YEATS2: variants seen among roughly 807,000 people sequenced by gnomAD.
YEATS2 encodes YEATS domain-containing protein 2.
Under a neutral mutation model 163.2 loss-of-function variants are expected in YEATS2, and 77 were observed. The observed-to-expected ratio is 0.47, with a 90% CI of 0.39 to 0.57. The LOEUF (loss-of-function observed/expected upper bound fraction) is 0.57, where lower values mean the gene tolerates loss of function less well. Among genes scored for constraint, YEATS2 ranks in the 20% least tolerant of loss-of-function variants. The pLI, the probability that YEATS2 is intolerant of heterozygous loss-of-function variation, is 0.00. For missense variants in YEATS2, 1,549 were observed against 1,729.8 expected, an observed-to-expected ratio of 0.90 and a Z score of 1.85; for synonymous variants, 631 against 645.1, an observed-to-expected ratio of 0.98 and a Z score of 0.33.
chr3:183,799,674 G>T (rs1388887372), intron 23 of YEATS2, among the ~76,000 whole-genome samples: 1 of 152,090 alleles, frequency 6.6e-6, no homozygotes, highest in Non-Finnish European at 1.5e-5. Context: ...CCAAGCATAG[G>T]GGATCTGATT....
At chr3:183,723,532 C>G (rs1256936547) in intron 5 of YEATS2, among the ~76,000 whole-genome samples, 1 of 152,168 alleles carries the variant, frequency 6.6e-6, no homozygotes, top group Non-Finnish European at 1.5e-5. Flanking sequence ...CCCCCAAAAT[C>G]AGAACTCTTC....
At position 183,772,495 on chromosome 3, in the gene YEATS2, C is replaced by T. The variant is rs1173480429; in HGVS notation, c.2138C>T (p.Pro713Leu). 9.9e-6 allele frequency: 16 copies of T among 1,614,164 alleles called. No individual in the cohort carries two copies. Among genetic ancestry groups the T allele is most frequent in the Non-Finnish European group, 1.4e-5 (16 of 1,180,046 alleles). The part of the protein sequence containing the change: ...SGGGGTIVAQ[P>L]VQTLTKAQVT... ...GGTGGAGGAACCATTGTTGCTCAGC[C>T]AGTGCAGACCTTAACCAAGGCCCAG... is the stretch of plus-strand genomic sequence containing the variant. Residue 713 changes from proline (P) to leucine (L), a missense_variant, in exon 16 of 31, where the codon CCA becomes CTA. Coordinates refer to ENST00000305135, the MANE Select transcript of YEATS2 (RefSeq NM_018023.5).
chr3:183,772,886 C>G (rs773995941), intron 16 of YEATS2, among the ~76,000 whole-genome samples: 11 of 152,032 alleles, frequency 7.2e-5, no homozygotes, highest in Non-Finnish European at 1.2e-4. Context: ...ATCCACAGTC[C>G]CCTGTGTAAA....
At chr3:183,727,754 G>A (rs1280096593) in intron 6 of YEATS2, among the ~76,000 whole-genome samples, 1 of 152,158 alleles carries the variant, frequency 6.6e-6, no homozygotes, top group African/African-American at 2.4e-5. Flanking sequence ...GAAATGGCAC[G>A]TTTTGGCTTT....
chr3:183,756,801 G>A (rs745464959), intron 12 of YEATS2, 112 bp downstream of exon 12: 186 of 952,262 alleles, frequency 2.0e-4, no homozygotes, highest in Non-Finnish European at 2.2e-4. Flanking sequence ...TCCCGTAAAC[G>A]AGAAGCGAGA....
chr3:183,732,265 A>G (rs570242049), intron 7 of YEATS2, among the ~76,000 whole-genome samples: 4 of 151,862 alleles, frequency 2.6e-5, no homozygotes, highest in Non-Finnish European at 5.9e-5. Context: ...CCTTGCCAAC[A>G]TGGTGAAACC....
chr3:183,781,023 T>TA (rs1723510945), intron 19 of YEATS2, among the ~76,000 whole-genome samples: 2 of 152,138 alleles, frequency 1.3e-5, no homozygotes, highest in Admixed American at 6.5e-5. Flanking sequence ...ATTCTTGGGT[T>TA]AAAAAAATCC....
chr3:183,716,191 C>T (rs1715857520), intron 2 of YEATS2, among the ~76,000 whole-genome samples: 1 of 152,156 alleles, frequency 6.6e-6, no homozygotes, highest in Admixed American at 6.6e-5. Flanking sequence ...CATCTCCTGA[C>T]CTCGTGATCC....
At chr3:183,756,794 C>T (rs1462726864) in intron 12 of YEATS2, 105 bp downstream of exon 12, 16 of 1,026,762 alleles carry the variant, frequency 1.6e-5, no homozygotes, top group East Asian at 6.2e-5. Flanking sequence ...TGAAATCTCC[C>T]GTAAACGAGA....
At chr3:183,774,046 A>G (rs1313795628) in intron 17 of YEATS2, among the ~76,000 whole-genome samples, 2 of 152,208 alleles carry the variant, frequency 1.3e-5, no homozygotes, top group Admixed American at 1.3e-4. Context: ...GTTGGGAGAA[A>G]GCTGTCTACA....
rs771143328 is a variant in YEATS2, at chr3:183,810,597, C to T, written c.*14C>T. On this transcript the variant is annotated 3_prime_UTR_variant, in exon 31 of 31. Coordinates refer to ENST00000305135, the MANE Select transcript of YEATS2 (RefSeq NM_018023.5). ...GAGGACCAGTGAGCGGAGTGAGGTGCCCTGGAGAAGCAGGCTTTGAAGGCA... is the reference window on the plus strand; with the variant it reads ...GAGGACCAGTGAGCGGAGTGAGGTGTCCTGGAGAAGCAGGCTTTGAAGGCA... The T allele has an allele frequency of 1.9e-6, 3 of 1,609,434 alleles. No homozygotes were observed. The highest frequency in any genetic ancestry group is 2.6e-6 in the Non-Finnish European group (3 of 1,176,024).
intron 1 of YEATS2, among the ~76,000 whole-genome samples, chr3:183,712,614 GTC>G (rs952300678): frequency 3.9e-5 from 6 of 152,038 alleles, no homozygotes. Flanking sequence ...AGCTATTCTG[GTC>G]TCTTTCATAG....
At chr3:183,707,752 C>T (rs1158405779) in intron 1 of YEATS2, among the ~76,000 whole-genome samples, 2 of 146,242 alleles carry the variant, frequency 1.4e-5, no homozygotes, top group Non-Finnish European at 3.0e-5. Context: ...GGCGCAATCT[C>T]GGATCACTGC....
At chr3:183,718,463 C>A (rs758955465) in intron 3 of YEATS2, 37 bp from the exon 4 acceptor site, 1 of 1,515,140 alleles carries the variant, frequency 6.6e-7, no homozygotes, top group South Asian at 1.2e-5. Context: ...TTTATAATTG[C>A]CGTTTTTTAA....
Position 183,800,510 on chromosome 3 carries a change from G to A in YEATS2, c.3370G>A (p.Glu1124Lys), listed in dbSNP as rs1725568007. 2 of 1,614,194 alleles carry A rather than the reference G, an allele frequency of 1.2e-6. No individual in the cohort carries two copies. The highest frequency in any genetic ancestry group is 1.7e-6 in the Non-Finnish European group (2 of 1,180,010). ...ETPGPSCLSQ[E>K]GQTAVKTEES... ...ACCTGGACCGAGTTGCCTCTCTCAG[G>A]AGGGTCAGACAGCAGTGAAAACAGA... The change falls in exon 24 of 31, where the codon GAG (glutamate) becomes AAG (lysine). Residue 1124 changes from glutamate (E) to lysine (K), a missense_variant. Glu to Lys is a moderately conservative substitution (Grantham distance 56, BLOSUM62 1). Transcript: ENST00000305135.
At chr3:183,710,320 C>T (rs1236824497) in intron 1 of YEATS2, among the ~76,000 whole-genome samples, 3 of 152,194 alleles carry the variant, frequency 2.0e-5, no homozygotes, top group South Asian at 4.1e-4. Flanking sequence ...ATTTGTTACA[C>T]ATTCTGTTCA....
chr3:183,772,193 G>GA, intron 15 of YEATS2, 112 bp from the exon 16 acceptor site: 1 of 1,469,856 alleles, frequency 6.8e-7, no homozygotes, highest in Non-Finnish European at 9.3e-7. Context: ...CTAGATGACT[G>GA]AATTAGGCTG....
In YEATS2 at chr3:183,810,542, C is replaced by T. The variant is rs751042837; in HGVS notation, c.4228C>T (p.Leu1410Phe). 6.8e-6 allele frequency: 11 copies of T among 1,614,144 alleles called. No individual in the cohort carries two copies. Among genetic ancestry groups the T allele is most frequent in the Non-Finnish European group, 9.3e-6 (11 of 1,180,012 alleles). ...TTGCAACATTCCTTTTCTGGACTTC[C>T]TCACAAACAAACACATGGGAATATT... ...AICNIPFLDF[L>F]TNKHMGILNE... The change falls in exon 31 of 31, where the codon CTC becomes TTC. Residue 1410 changes from leucine (L) to phenylalanine (F), a missense_variant. Leu to Phe is a conservative substitution (Grantham distance 22, BLOSUM62 0). Transcript: ENST00000305135.
intron 1 of YEATS2, among the ~76,000 whole-genome samples, chr3:183,712,773 T>G (rs1310629847): frequency 6.6e-6 from 1 of 151,686 alleles, no homozygotes; most frequent in African/African-American, 2.4e-5. Flanking sequence ...AATTTTTTTT[T>G]TTTTTCGAGA....
Sources: gnomAD v4.1 joint callset for allele counts (sites outside exome capture counted in the v4.1 genomes callset) on GRCh38, gnomAD v4.1.1 for gene constraint, MANE v1.5 for transcripts, NCBI Gene and HGNC (gene_info 2026-07-23, HGNC 2026-07-21) for gene names.